RGS6: variants seen among roughly 807,000 people sequenced by gnomAD.
RGS6 encodes the protein regulator of G protein signaling 6.
A neutral mutation model predicts 78.5 loss-of-function variants in RGS6; 30 were observed. The observed-to-expected ratio is 0.38, with a 90% CI of 0.29 to 0.52. RGS6 has a LOEUF of 0.52. RGS6 is among the 20% of genes least tolerant of loss of function. RGS6 has a pLI of 0.85. For synonymous variants in RGS6, 206 were observed against 206.0 expected (o/e 1.00, Z 0.00); for missense variants, 495 against 609.7 (o/e 0.81, Z 1.98).
At chr14:71,915,013 C>T in the RGS6 span, among the ~76,000 whole-genome samples, 5 of 150,958 alleles carry the variant, frequency 3.3e-5, no homozygotes, top group Non-Finnish European at 7.4e-5. Flanking sequence ...TTTGGGAGGC[C>T]GAGGCAGACA....
At chr14:72,463,020 C>T (rs1370745219) in intron 6 of RGS6, among the ~76,000 whole-genome samples, 1 of 152,126 alleles carries the variant, frequency 6.6e-6, no homozygotes, top group African/African-American at 2.4e-5. Flanking sequence ...TCGATAAGCT[C>T]AATATTTTTT....
chr14:72,409,360 G>A (rs1281798215), intron 3 of RGS6, among the ~76,000 whole-genome samples: 1 of 152,146 alleles, frequency 6.6e-6, no homozygotes, highest in African/African-American at 2.4e-5. Flanking sequence ...ATTTGTTAGA[G>A]TAGAAAGTCC....
intron 2 of RGS6, among the ~76,000 whole-genome samples, chr14:72,276,956 A>T (rs2060778685): frequency 1.3e-5 from 2 of 152,182 alleles, no homozygotes; most frequent in Non-Finnish European, 2.9e-5. Context: ...TCCCAGTAGA[A>T]TACAAGTTCC....
chr14:72,149,730 ATAAT>A (rs546548337), intron 2 of RGS6, among the ~76,000 whole-genome samples: 216 of 152,332 alleles, frequency 1.4e-3, no homozygotes, highest in Non-Finnish European at 2.2e-3. Context: ...TGCTGATAAA[ATAAT>A]TCATGCCAAT....
rs138713595 is a variant in RGS6 at position 72,284,008 on chromosome 14, G to A, written c.85-68087G>A. ...CTATGTTTTAGCAAAGAGACTGGTG[G>A]CATTTTGTCCTTGCCCTAGAGATTT... On this transcript the variant is annotated intron_variant, in intron 2 of 17. Transcript: ENST00000553525. Among the ~76,000 whole-genome samples, 53 of 152,328 alleles carry A rather than the reference G, an allele frequency of 3.5e-4. No individual in the cohort carries two copies. The East Asian group carries it at 9.8e-3, about 28-fold the overall frequency.
chr14:71,867,697 G>C, the RGS6 span, among the ~76,000 whole-genome samples: 3 of 152,190 alleles, frequency 2.0e-5, no homozygotes, highest in Non-Finnish European at 4.4e-5. Flanking sequence ...GAGATGACCA[G>C]ATAAGGAGGA....
chr14:72,475,159 C>T (rs2153344577), intron 10 of RGS6, among the ~76,000 whole-genome samples: 1 of 149,526 alleles, frequency 6.7e-6, no homozygotes. Flanking sequence ...CAGGTGAAAG[C>T]AAGCTTTATA....
At chr14:72,194,457 AGCTCCTTGG>A (rs200256129) in intron 2 of RGS6, among the ~76,000 whole-genome samples, 14,702 of 79,444 alleles carry the variant, frequency 0.19, 750 homozygotes, top group African/African-American at 0.26. Context: ...TGCAGTCTCA[AGCTCCTTGG>A]GCTCAAGTGA....
chr14:72,073,346 AT>A (rs1216543426), intron 2 of RGS6, among the ~76,000 whole-genome samples: 2 of 152,238 alleles, frequency 1.3e-5, no homozygotes, highest in African/African-American at 4.8e-5. Context: ...CCTGCAGCAT[AT>A]TTTTGGTCCT....
At chr14:72,457,792 G>A (rs2095669638) in intron 4 of RGS6, among the ~76,000 whole-genome samples, 1 of 152,118 alleles carries the variant, frequency 6.6e-6, no homozygotes, top group African/African-American at 2.4e-5. Context: ...ATTCCTGATG[G>A]GACTGTCATA....
intron 2 of RGS6, among the ~76,000 whole-genome samples, chr14:72,128,301 A>T (rs1396772395): frequency 6.6e-6 from 1 of 152,200 alleles, no homozygotes; most frequent in African/African-American, 2.4e-5. Context: ...TAAATGCCAT[A>T]AATCAAAGTA....
At chr14:71,990,797 A>T (rs983857731) in intron 2 of RGS6, 2 of 455,918 alleles carry the variant, frequency 4.4e-6, no homozygotes, top group Non-Finnish European at 8.8e-6. Context: ...CCAAAAAGAC[A>T]TCTCTGTTTG....
At chr14:71,867,440 T>C in the RGS6 span, among the ~76,000 whole-genome samples, 1 of 55,358 alleles carries the variant, frequency 1.8e-5, no homozygotes, top group South Asian at 7.8e-4. Context: ...TCCCATCCCA[T>C]CATCTCACAT....
intron 13 of RGS6, among the ~76,000 whole-genome samples, chr14:72,508,542 C>G (rs2153442514): frequency 7.7e-6 from 1 of 129,972 alleles, no homozygotes; most frequent in South Asian, 2.6e-4. Flanking sequence ...CTTTCCCAAG[C>G]TTTCCACGCA....
At position 72,459,700 on chromosome 14, in the gene RGS6, C is replaced by A; in HGVS notation, c.394+17C>A. On this transcript the variant is annotated intron_variant, in intron 6 of 17. Coordinates refer to ENST00000553525, the MANE Select transcript of RGS6 (RefSeq NM_001204424.2). ...CTGACTATGGTGAGAACTGAAGCCA[C>A]TGGGAACTCTCAACTTCAACACTGT... 1.2e-6 allele frequency: 2 copies of A among 1,613,700 alleles called. No individual in the cohort carries two copies. Among genetic ancestry groups the A allele is most frequent in the South Asian group, 1.1e-5 (1 of 91,070 alleles).
chr14:71,915,846 A>G, the RGS6 span, among the ~76,000 whole-genome samples: 1 of 152,274 alleles, frequency 6.6e-6, no homozygotes, highest in South Asian at 2.1e-4. Flanking sequence ...ATGGGCCTTA[A>G]TCCACTTTGA....
intron 2 of RGS6, among the ~76,000 whole-genome samples, chr14:72,052,995 C>CTT (rs1567106353): frequency 2.2e-4 from 18 of 82,154 alleles, no homozygotes; most frequent in East Asian, 3.7e-4. Flanking sequence ...CTCTCTCTCT[C>CTT]TCTCTCTCTC....
At position 72,474,667 on chromosome 14, in the gene RGS6, C is replaced by T. The variant is rs763592184; in HGVS notation, c.661C>T (p.Arg221Ter). ...AACAGAAATGGATATCCGAAAATGTCGACGTTTGAAGAATCCACAAAAGGT... is the reference window on the plus strand; with the variant it reads ...AACAGAAATGGATATCCGAAAATGTTGACGTTTGAAGAATCCACAAAAGGT... The part of the protein sequence containing the change: ...NTTEMDIRKC[R>*]RLKNPQKVKK... Residue 221 changes from arginine to a stop codon, truncating the protein, a stop_gained, in exon 10 of 18, where the codon CGA becomes TGA. Coordinates refer to ENST00000553525, the MANE Select transcript of RGS6 (RefSeq NM_001204424.2). LOFTEE classifies it high-confidence loss of function. 3 of 1,612,914 alleles carry T rather than the reference C, an allele frequency of 1.9e-6. No individual in the cohort carries two copies. The highest frequency in any genetic ancestry group is 1.7e-6 in the Non-Finnish European group (2 of 1,179,644).
At chr14:72,105,743 A>T (rs2095619776) in intron 2 of RGS6, among the ~76,000 whole-genome samples, 1 of 152,188 alleles carries the variant, frequency 6.6e-6, no homozygotes, top group South Asian at 2.1e-4. Flanking sequence ...ACGCTTATTT[A>T]GTTGATAATC....
Sources: allele counts gnomAD v4.1 joint callset (sites outside exome capture counted in the v4.1 genomes callset), GRCh38; gene constraint gnomAD v4.1.1; transcripts MANE v1.5; gene names NCBI Gene and HGNC (gene_info 2026-07-23, HGNC 2026-07-21).